PRR23E: variants seen among roughly 807,000 people sequenced by gnomAD.
PRR23E encodes the protein PRR23 family member E, also known as proline-rich protein 23E.
the PRR23E span, chr3:127,196,628 T>C: frequency 3.3e-6 from 5 of 1,503,528 alleles, no homozygotes; most frequent in African/African-American, 6.9e-5. Flanking sequence ...GGCCTCAGCT[T>C]GCAGAGGAGT....
At chr3:127,197,530 C>A in the PRR23E span, 1 of 816,740 alleles carries the variant, frequency 1.2e-6, no homozygotes, top group Non-Finnish European at 1.8e-6. Flanking sequence ...TACTATTCTT[C>A]AGTACAGAGT....
At chr3:127,196,852 C>T in the PRR23E span, 7 of 1,599,198 alleles carry the variant, frequency 4.4e-6, no homozygotes, top group South Asian at 4.4e-5. Flanking sequence ...ACTGACCTGG[C>T]CCTCTGGCCT....
chr3:127,196,183 C>T, the PRR23E span, among the ~76,000 whole-genome samples: 1 of 152,164 alleles, frequency 6.6e-6, no homozygotes, highest in Non-Finnish European at 1.5e-5. Flanking sequence ...CCTTCAGCAG[C>T]CCCTGCACTG....
At chr3:127,196,669 A>G in the PRR23E span, 1 of 1,573,670 alleles carries the variant, frequency 6.4e-7, no homozygotes, top group Non-Finnish European at 8.6e-7. Flanking sequence ...GGCTTTGAAG[A>G]GCACAGCTCA....
At chr3:127,196,459 T>G in the PRR23E span, 1 of 635,064 alleles carries the variant, frequency 1.6e-6, no homozygotes, top group Non-Finnish European at 2.6e-6. Context: ...GACACCTTGC[T>G]CCCCATCCTC....
the PRR23E span, among the ~76,000 whole-genome samples, chr3:127,196,071 C>G: frequency 6.6e-6 from 1 of 152,160 alleles, no homozygotes; most frequent in Non-Finnish European, 1.5e-5. Context: ...CCTGACAGGC[C>G]TTGTGTTCAG....
At chr3:127,196,858 G>A in the PRR23E span, 3 of 1,599,302 alleles carry the variant, frequency 1.9e-6, no homozygotes, top group Admixed American at 3.3e-5. Flanking sequence ...CTGGCCCTCT[G>A]GCCTGTCATC....
the PRR23E span, chr3:127,198,173 AC>A: frequency 6.6e-6 from 1 of 152,138 alleles, no homozygotes; most frequent in African/African-American, 2.4e-5. Context: ...AATAAATGAT[AC>A]TATGCTATAA....
chr3:127,197,543 ACCT>A, the PRR23E span: 1 of 626,338 alleles, frequency 1.6e-6, no homozygotes, highest in Non-Finnish European at 2.4e-6. Flanking sequence ...TACAGAGTAC[ACCT>A]CCTGGACTCA....
At chr3:127,197,659 G>A in the PRR23E span, 799 of 378,608 alleles carry the variant, frequency 2.1e-3, 2 homozygotes, top group Admixed American at 3.5e-3. Flanking sequence ...TCCTGGGCCC[G>A]CCCTCTAGTA....
chr3:127,197,230 C>T, the PRR23E span: 1 of 1,598,694 alleles, frequency 6.3e-7, no homozygotes, highest in Admixed American at 1.7e-5. Flanking sequence ...TACTTGAAGA[C>T]ATGCAAAGCC....
At chr3:127,197,218 C>T in the PRR23E span, 35 of 1,597,948 alleles carry the variant, frequency 2.2e-5, no homozygotes, top group South Asian at 2.3e-4. Context: ...AGAGGAGCTC[C>T]CTACTTGAAG....
chr3:127,195,757 C>T, the PRR23E span, among the ~76,000 whole-genome samples: 1 of 152,154 alleles, frequency 6.6e-6, no homozygotes, highest in Non-Finnish European at 1.5e-5. Context: ...CTGGGGGTGT[C>T]CTCTCCTGGC....
the PRR23E span, chr3:127,196,986 G>T: frequency 6.3e-7 from 1 of 1,599,334 alleles, no homozygotes; most frequent in Non-Finnish European, 8.5e-7. Flanking sequence ...GGTGCCTTCA[G>T]TGTGGCTGTA....
the PRR23E span, chr3:127,196,837 C>A: frequency 1.5e-5 from 24 of 1,599,072 alleles, no homozygotes; most frequent in Non-Finnish European, 1.9e-5. Flanking sequence ...GGAGCCCAGC[C>A]TGTAACTGAC....
the PRR23E span, chr3:127,197,186 G>C: frequency 5.3e-5 from 84 of 1,592,820 alleles, no homozygotes; most frequent in Non-Finnish European, 7.1e-5. Flanking sequence ...CAGCCCCCAG[G>C]GCTGCCGTAG....
the PRR23E span, chr3:127,197,531 A>AGTCCAGGAGGTGTACTCT: frequency 6.6e-6 from 5 of 760,224 alleles, no homozygotes; most frequent in Non-Finnish European, 9.9e-6. Flanking sequence ...ACTATTCTTC[A>AGTCCAGGAGGTGTACTCT]GTACAGAGTA....
the PRR23E span, among the ~76,000 whole-genome samples, chr3:127,194,948 C>T: frequency 6.6e-6 from 1 of 152,200 alleles, no homozygotes; most frequent in Non-Finnish European, 1.5e-5. Context: ...TCTGCCCTGA[C>T]CTTGCCCACG....
chr3:127,196,194 G>A, the PRR23E span, among the ~76,000 whole-genome samples: 1 of 152,162 alleles, frequency 6.6e-6, no homozygotes, highest in Admixed American at 6.5e-5. Context: ...CCCTGCACTG[G>A]GGTGGCCCCT....
Sources: allele counts gnomAD v4.1 joint callset (sites outside exome capture counted in the v4.1 genomes callset), GRCh38; gene constraint gnomAD v4.1.1; transcripts MANE v1.5; gene names NCBI Gene and HGNC (gene_info 2026-07-23, HGNC 2026-07-21).